SCAPER: variants seen among roughly 807,000 people sequenced by gnomAD.
SCAPER encodes S-phase cyclin A associated protein in the ER, also known as S phase cyclin A-associated protein in the endoplasmic reticulum.
A neutral mutation model predicts 182.2 loss-of-function variants in SCAPER; 98 were observed. That is an observed-to-expected ratio of 0.54 (90% CI 0.46 to 0.64). The LOEUF (loss-of-function observed/expected upper bound fraction) is 0.64, where lower values mean the gene tolerates loss of function less well. SCAPER is among the 30% of genes least tolerant of loss of function. The pLI is 0.00. For missense variants in SCAPER, 1,432 were observed against 1,690.0 expected (o/e 0.85, Z 2.68); for synonymous variants, 605 against 564.6 (o/e 1.07, Z -1.01).
intron 18 of SCAPER, among the ~76,000 whole-genome samples, chr15:76,703,564 T>C (rs577417617): frequency 7.2e-5 from 11 of 152,312 alleles, no homozygotes; most frequent in Admixed American, 2.0e-4. Flanking sequence ...TTTGTCCTTA[T>C]ACTCATCTAT....
chr15:76,428,895 A>ATATATATATATATATATAC (rs1432164273), intron 26 of SCAPER, among the ~76,000 whole-genome samples: 1 of 44,878 alleles, frequency 2.2e-5, no homozygotes, highest in Non-Finnish European at 4.6e-5. Flanking sequence ...TATATATATA[A>ATATATATATATATATATAC]ACATCAAAAT....
At chr15:76,521,111 A>G (rs775655843) in intron 23 of SCAPER, among the ~76,000 whole-genome samples, 2 of 152,198 alleles carry the variant, frequency 1.3e-5, no homozygotes. Context: ...TAAGTACAGA[A>G]TTCAGGAATT....
chr15:76,584,281 G>A (rs1242418848), intron 22 of SCAPER, among the ~76,000 whole-genome samples: 2 of 150,298 alleles, frequency 1.3e-5, no homozygotes, highest in Non-Finnish European at 1.5e-5. Context: ...TAAGGGTAGT[G>A]GGGAAGTGTG....
intron 23 of SCAPER, among the ~76,000 whole-genome samples, chr15:76,516,258 T>C (rs1270306156): frequency 1.3e-5 from 2 of 152,010 alleles, no homozygotes; most frequent in Non-Finnish European, 2.9e-5. Context: ...ATGTGCAGAA[T>C]GTGCAGGTTT....
intron 24 of SCAPER, chr15:76,472,477 T>A: frequency 2.4e-6 from 1 of 418,902 alleles, no homozygotes; most frequent in South Asian, 2.0e-5. Flanking sequence ...TTTTTACTCC[T>A]GCCTCAGCTT....
chr15:76,699,096 A>G (rs1199795878), intron 20 of SCAPER, among the ~76,000 whole-genome samples: 1 of 151,956 alleles, frequency 6.6e-6, no homozygotes, highest in Non-Finnish European at 1.5e-5. Context: ...AACGCTACTG[A>G]TTTTTCTACA....
At chr15:76,755,755 C>T (rs1409296554) in intron 14 of SCAPER, among the ~76,000 whole-genome samples, 3 of 152,140 alleles carry the variant, frequency 2.0e-5, no homozygotes, top group African/African-American at 4.8e-5. Context: ...TCCTTTCTCT[C>T]CCCCACTCTT....
chr15:76,780,119 C>T (rs2064017719), intron 8 of SCAPER, among the ~76,000 whole-genome samples: 1 of 152,246 alleles, frequency 6.6e-6, no homozygotes, highest in Non-Finnish European at 1.5e-5. Context: ...TTTCCCTTTC[C>T]TAGCCAAGGC....
intron 29 of SCAPER, among the ~76,000 whole-genome samples, chr15:76,362,527 C>T (rs922442769): frequency 6.6e-6 from 1 of 151,112 alleles, no homozygotes; most frequent in African/African-American, 2.4e-5. Flanking sequence ...ATTCTCCTGC[C>T]TCAGCCTCCC....
chr15:76,635,566 C>T (rs2053521985), intron 21 of SCAPER, among the ~76,000 whole-genome samples: 1 of 151,834 alleles, frequency 6.6e-6, no homozygotes, highest in South Asian at 2.1e-4. Context: ...GTTTTTCTTG[C>T]CTATGTGCCA....
At chr15:76,696,344 C>T (rs1030600532) in intron 20 of SCAPER, among the ~76,000 whole-genome samples, 2 of 152,114 alleles carry the variant, frequency 1.3e-5, no homozygotes, top group Admixed American at 6.5e-5. Flanking sequence ...ACCTAATTGG[C>T]ATATATTGTC....
At chr15:76,548,060 T>G (rs2045442229) in intron 23 of SCAPER, among the ~76,000 whole-genome samples, 2 of 152,096 alleles carry the variant, frequency 1.3e-5, no homozygotes, top group African/African-American at 4.8e-5. Flanking sequence ...AAATGTGCTT[T>G]CAACAGAATT....
At chr15:76,609,379 CCGAGG>C (rs2050772740) in intron 22 of SCAPER, among the ~76,000 whole-genome samples, 1 of 151,740 alleles carries the variant, frequency 6.6e-6, no homozygotes, top group Admixed American at 6.6e-5. Flanking sequence ...GTCCTAACTA[CCGAGG>C]AGGCTGAGTT....
intron 21 of SCAPER, among the ~76,000 whole-genome samples, chr15:76,625,143 G>A (rs1373025099): frequency 6.6e-6 from 1 of 152,174 alleles, no homozygotes; most frequent in Non-Finnish European, 1.5e-5. Flanking sequence ...TACTGGGGGT[G>A]TGGAGATGAG....
chr15:76,398,428 C>T (rs1182095349), intron 27 of SCAPER, among the ~76,000 whole-genome samples: 2 of 152,204 alleles, frequency 1.3e-5, no homozygotes, highest in African/African-American at 2.4e-5. Context: ...GATGTCTTAG[C>T]CATTACTGCT....
chr15:76,804,648 A>G lies in SCAPER; in HGVS notation c.394-15T>C. ...ATTAGCACCTCCTAAAAGAAACAAAACAAAAAAAAATTAAATTCCAGTCTG... is the reference window on the plus strand; with the variant it reads ...ATTAGCACCTCCTAAAAGAAACAAAGCAAAAAAAAATTAAATTCCAGTCTG... On this transcript the variant is annotated splice_polypyrimidine_tract_variant and intron_variant, in intron 5 of 31. Transcript: ENST00000563290. The G allele has an allele frequency of 2.0e-6, 3 of 1,537,678 alleles. No individual in the cohort carries two copies. Among genetic ancestry groups the G allele is most frequent in the Non-Finnish European group, 2.6e-6 (3 of 1,134,892 alleles).
intron 3 of SCAPER, among the ~76,000 whole-genome samples, chr15:76,860,489 A>G (rs1157451126): frequency 1.3e-5 from 2 of 152,218 alleles, no homozygotes; most frequent in Non-Finnish European, 2.9e-5. Context: ...CAGGCATTTA[A>G]AAATACTATA....
intron 20 of SCAPER, among the ~76,000 whole-genome samples, chr15:76,683,826 G>A (rs192092969): frequency 3.9e-5 from 6 of 151,988 alleles, no homozygotes; most frequent in East Asian, 1.9e-4. Flanking sequence ...AGAGTTGGGC[G>A]GGGTGGCTCA....
At position 76,765,078 on chromosome 15, in the gene SCAPER, A is replaced by G. The variant is rs2063029577; in HGVS notation, c.1614-6T>C. ...TCTTAGATTCTGCAATTGTTCTATTAATACAAACAAATGGACAAGAGACAT... is the reference window on the plus strand; with the variant it reads ...TCTTAGATTCTGCAATTGTTCTATTGATACAAACAAATGGACAAGAGACAT... On this transcript the variant is annotated splice_polypyrimidine_tract_variant and splice_region_variant and intron_variant, in intron 13 of 31. Coordinates refer to ENST00000563290, the MANE Select transcript of SCAPER (RefSeq NM_020843.4). The G allele has an allele frequency of 4.0e-6, 6 of 1,515,612 alleles. No homozygotes were observed. The African/African-American group carries it at 5.5e-5, about 14-fold the overall frequency. The allele number at this position is 1,515,612 out of a possible 1,614,324, so 93.9% of individuals were successfully genotyped here.
Sources: allele counts gnomAD v4.1 joint callset (sites outside exome capture counted in the v4.1 genomes callset), GRCh38; gene constraint gnomAD v4.1.1; transcripts MANE v1.5; gene names NCBI Gene and HGNC (gene_info 2026-07-23, HGNC 2026-07-21).